Variants in IREB2 observed in about 807,000 individuals in gnomAD.
IREB2 encodes iron-responsive element-binding protein 2.
IREB2 carries 39 observed loss-of-function variants against 118.8 expected under a neutral mutation model. The observed-to-expected ratio is 0.33, with a 90% CI of 0.25 to 0.43. IREB2 has a LOEUF of 0.43. Among genes scored for constraint, IREB2 ranks in the 20% least tolerant of loss-of-function variants. The pLI is 1.00. For synonymous variants in IREB2, 372 were observed against 392.2 expected (o/e 0.95, Z 0.61); for missense variants, 900 against 1,147.3 (o/e 0.78, Z 3.11).
At chr15:78,451,952 C>G (rs1358065770) in intron 2 of IREB2, among the ~76,000 whole-genome samples, 21 of 152,126 alleles carry the variant, frequency 1.4e-4, no homozygotes, top group Admixed American at 1.4e-3. Flanking sequence ...AGTGAGCCAC[C>G]ACACCTGGTG....
chr15:78,449,190 G>A (rs948127268), intron 2 of IREB2, among the ~76,000 whole-genome samples: 5 of 151,956 alleles, frequency 3.3e-5, no homozygotes, highest in African/African-American at 9.7e-5. Context: ...TCTGTTTCCC[G>A]GTTTAGTAAT....
intron 2 of IREB2, among the ~76,000 whole-genome samples, chr15:78,450,809 G>A (rs1438500986): frequency 6.7e-6 from 1 of 148,592 alleles, no homozygotes; most frequent in African/African-American, 2.5e-5. Flanking sequence ...GAGGGCTGTG[G>A]TGATATTAAC....
At chr15:78,443,346 A>G (rs2050875282) in intron 2 of IREB2, among the ~76,000 whole-genome samples, 1 of 152,242 alleles carries the variant, frequency 6.6e-6, no homozygotes. Context: ...CTTTTACAAT[A>G]GAGAAAGGAA....
At chr15:78,458,657 C>A (rs1437851749) in intron 2 of IREB2, among the ~76,000 whole-genome samples, 3 of 152,286 alleles carry the variant, frequency 2.0e-5, no homozygotes, top group Non-Finnish European at 4.4e-5. Flanking sequence ...TACTCACCTC[C>A]CTCATAGCAC....
chr15:78,472,829 C>T (rs2051401481), intron 7 of IREB2, among the ~76,000 whole-genome samples: 1 of 152,122 alleles, frequency 6.6e-6, no homozygotes, highest in Non-Finnish European at 1.5e-5. Flanking sequence ...GTTCAGTGTA[C>T]CTCACTTTGT....
chr15:78,498,607 C>CT lies in IREB2; in HGVS notation c.*468dup, dbSNP rs1428110747. ...ATTGGAATCTCATTTATAAATGGAC[C>CT]TTTTAAGTATATTAATTCCTCTTCA... On this transcript the variant is annotated 3_prime_UTR_variant, in exon 22 of 22. Coordinates refer to ENST00000258886, the MANE Select transcript of IREB2 (RefSeq NM_004136.4). The CT allele has an allele frequency of 6.5e-6, 1 of 153,174 alleles. No homozygotes were observed. Among genetic ancestry groups the CT allele is most frequent in the Non-Finnish European group, 1.5e-5 (1 of 68,558 alleles). 9.5% of individuals were successfully genotyped at this position (153,174 alleles called of 1,614,324 possible). A position where few individuals can be genotyped will look rare whatever the true frequency, so the allele number is the denominator to read the frequency against.
chr15:78,473,154 G>A, intron 7 of IREB2, 88 bp from the exon 8 acceptor site: 1 of 1,269,324 alleles, frequency 7.9e-7, no homozygotes, highest in Non-Finnish European at 1.1e-6. Flanking sequence ...TGTAAGATAA[G>A]CTCATGAAAC....
intron 1 of IREB2, 47 bp from the exon 2 acceptor site, chr15:78,439,747 TA>T: frequency 9.7e-7 from 1 of 1,031,772 alleles, no homozygotes; most frequent in Non-Finnish European, 1.5e-6. Flanking sequence ...TTCAGCTGAA[TA>T]AAATATTTTG....
intron 10 of IREB2, among the ~76,000 whole-genome samples, chr15:78,478,932 A>AAAT (rs1280423279): frequency 1.3e-5 from 2 of 152,122 alleles, no homozygotes; most frequent in East Asian, 3.9e-4. Context: ...AATAAGGGGT[A>AAAT]GCTAATCTTT....
At chr15:78,447,200 A>T in intron 2 of IREB2, among the ~76,000 whole-genome samples, 1 of 143,478 alleles carries the variant, frequency 7.0e-6, no homozygotes. Flanking sequence ...TTTTTGAGAC[A>T]GGATCTCTCT....
intron 8 of IREB2, chr15:78,474,076 T>C (rs1050936435): frequency 6.6e-6 from 1 of 152,248 alleles, no homozygotes; most frequent in Admixed American, 6.5e-5. Flanking sequence ...TACACTGAGC[T>C]TGTTAAGCAT....
chr15:78,468,447 A>G (rs903198729), intron 5 of IREB2, among the ~76,000 whole-genome samples: 5 of 150,484 alleles, frequency 3.3e-5, no homozygotes, highest in African/African-American at 9.8e-5. Flanking sequence ...GATGGGCACT[A>G]TGCTGTCCAG....
chr15:78,489,120 G>T (rs1476674983), intron 16 of IREB2, among the ~76,000 whole-genome samples: 1 of 152,102 alleles, frequency 6.6e-6, no homozygotes, highest in Non-Finnish European at 1.5e-5. Context: ...TACTCAGGAG[G>T]CTGAGGCAGG....
In IREB2 at chr15:78,485,696, G is replaced by GCT; in HGVS notation, c.1574-8_1574-7dup. 3.1e-6 allele frequency: 5 copies of GCT among 1,611,290 alleles called. No individual in the cohort carries two copies. The highest frequency in any genetic ancestry group is 4.2e-6 in the Non-Finnish European group (5 of 1,178,790). On this transcript the variant is annotated splice_polypyrimidine_tract_variant and intron_variant, in intron 12 of 21. Coordinates refer to ENST00000258886, the MANE Select transcript of IREB2 (RefSeq NM_004136.4). ...TGCCATAATAAATCATTGTTTGTTG[G>GCT]CTGTGCAGGTCTTTTGGCTAAAAAG...
At chr15:78,471,463 TCTTC>T (rs1029637398) in intron 6 of IREB2, among the ~76,000 whole-genome samples, 5 of 152,224 alleles carry the variant, frequency 3.3e-5, no homozygotes, top group South Asian at 2.1e-4. Flanking sequence ...ATTGAGCCTT[TCTTC>T]CTTCTCATTC....
intron 2 of IREB2, among the ~76,000 whole-genome samples, chr15:78,459,257 G>A (rs1413463770): frequency 6.6e-6 from 1 of 152,006 alleles, no homozygotes; most frequent in African/African-American, 2.4e-5. Flanking sequence ...TTATATAAAA[G>A]GACTTTTAAA....
At chr15:78,483,251 C>A in intron 10 of IREB2, 67 bp from the exon 11 acceptor site, 2 of 745,990 alleles carry the variant, frequency 2.7e-6, no homozygotes, top group South Asian at 1.7e-5. Context: ...GAAAGTAATG[C>A]TTCAATTGGA....
intron 9 of IREB2, chr15:78,476,827 AC>A (rs1193075484): frequency 6.6e-6 from 1 of 152,296 alleles, no homozygotes; most frequent in African/African-American, 2.4e-5. Context: ...TCTTTTTGTA[AC>A]CTGATTAACT....
chr15:78,448,326 G>A (rs1332938208), intron 2 of IREB2, among the ~76,000 whole-genome samples: 1 of 151,998 alleles, frequency 6.6e-6, no homozygotes. Context: ...TATATTTTTA[G>A]TAGAGATGCG....
Sources: allele counts gnomAD v4.1 joint callset (sites outside exome capture counted in the v4.1 genomes callset), GRCh38; gene constraint gnomAD v4.1.1; transcripts MANE v1.5; gene names NCBI Gene and HGNC (gene_info 2026-07-23, HGNC 2026-07-21).